The following PCDHGB5 variants were observed in gnomAD, a reference collection of about 807,000 sequenced individuals.
PCDHGB5 encodes the protein protocadherin gamma subfamily B, 5, also known as protocadherin gamma-B5.
In PCDHGB5, 48 loss-of-function variants were observed where a neutral mutation model predicts 62.9. That is an observed-to-expected ratio of 0.76 (90% CI 0.61 to 0.97). The LOEUF (loss-of-function observed/expected upper bound fraction) is 0.97. Ranked by LOEUF, PCDHGB5 falls within the 50% of genes least tolerant of loss-of-function variation. The probability of loss-of-function intolerance (pLI) is 0.00; values close to 1 mark genes in which losing one functional copy is unlikely to be tolerated. For missense variants in PCDHGB5, 1,118 were observed against 1,198.6 expected, an observed-to-expected ratio of 0.93 and a Z score of 0.99; for synonymous variants, 474 against 511.2, an observed-to-expected ratio of 0.93 and a Z score of 0.98.
rs767719494 is a variant in PCDHGB5 at position 141,491,200 on chromosome 5, C to T, written c.2398-3607C>T. On this transcript the variant is annotated intron_variant, in intron 1 of 3. Coordinates refer to ENST00000617380, the MANE Select transcript of PCDHGB5 (RefSeq NM_018925.3). This position sits in a 1 kb window ranked among gnomAD's most constrained non-coding sequence, Gnocchi z 6.9. The stretch of plus-strand genomic sequence containing the variant: ...GGTCCTGGTGAGGGACAATGGTGAC[C>T]CTTCACTCTCCTCCACAGCCACAGT... 4 of 1,614,158 alleles carry T rather than the reference C, an allele frequency of 2.5e-6. No individual in the cohort carries two copies. The highest frequency in any genetic ancestry group is 3.4e-6 in the Non-Finnish European group (4 of 1,180,000).
intron 1 of PCDHGB5, among the ~76,000 whole-genome samples, chr5:141,466,534 T>C (rs1343781541): frequency 6.6e-6 from 1 of 152,214 alleles, no homozygotes; most frequent in Non-Finnish European, 1.5e-5. Flanking sequence ...CAAATTGATG[T>C]AGATGGTCTT....
rs757691247 is a variant in PCDHGB5 at position 141,399,920 on chromosome 5, C to T, written c.1793C>T (p.Ala598Val). The change falls in exon 1 of 4, where the codon GCC (alanine) becomes GTC (valine). Residue 598 changes from alanine to valine, a missense_variant. Coordinates refer to ENST00000617380, the MANE Select transcript of PCDHGB5 (RefSeq NM_018925.3). ...GTGGACGCAGACTCAGGACACAACG[C>T]CTGGCTGTCCTACCACGTGCTGCAG... is the stretch of plus-strand genomic sequence containing the variant. ...VAVDADSGHN[A>V]WLSYHVLQAS... 1.2e-5 allele frequency: 20 copies of T among 1,612,216 alleles called. No homozygotes were observed. The South Asian group carries it at 2.1e-4, about 17-fold the overall frequency.
At position 141,431,435 on chromosome 5, in the gene PCDHGB5, G is replaced by A. The variant is rs376827063; in HGVS notation, c.2397+30911G>A. ...GGGCGACCCGGTGCGCACAGGCACC[G>A]CGCGCATCCGCGTGATGGTTCTGGA... On this transcript the variant is annotated intron_variant, in intron 1 of 3. Coordinates refer to ENST00000617380, the MANE Select transcript of PCDHGB5 (RefSeq NM_018925.3). The surrounding 1 kb of genome is among the most constrained non-coding windows in gnomAD (Gnocchi z 4.8). 2.5e-6 allele frequency: 4 copies of A among 1,613,550 alleles called. No homozygotes were observed. Among genetic ancestry groups the A allele is most frequent in the Non-Finnish European group, 3.4e-6 (4 of 1,180,034 alleles).
intron 1 of PCDHGB5, among the ~76,000 whole-genome samples, chr5:141,464,983 C>G (rs1294132264): frequency 6.6e-6 from 1 of 152,050 alleles, no homozygotes; most frequent in African/African-American, 2.4e-5. Flanking sequence ...TTCAAGTGAT[C>G]CTCCCACCTC....
intron 1 of PCDHGB5, among the ~76,000 whole-genome samples, chr5:141,439,623 C>T (rs1219064055): frequency 6.6e-6 from 1 of 152,186 alleles, no homozygotes; most frequent in East Asian, 1.9e-4. Context: ...ATGAGCCAAT[C>T]CCCAGACATT....
At chr5:141,460,666 C>G (rs1245201344) in intron 1 of PCDHGB5, among the ~76,000 whole-genome samples, 1 of 151,670 alleles carries the variant, frequency 6.6e-6, no homozygotes, top group South Asian at 2.1e-4. Context: ...ACTGTAAACA[C>G]AGTTATATAT....
At chr5:141,500,417 G>A in intron 2 of PCDHGB5, among the ~76,000 whole-genome samples, 1 of 151,736 alleles carries the variant, frequency 6.6e-6, no homozygotes, top group East Asian at 2.0e-4. Flanking sequence ...CACCGTGTTA[G>A]CCAGGATGGT....
intron 1 of PCDHGB5, chr5:141,478,942 C>G: frequency 1.7e-6 from 1 of 579,218 alleles, no homozygotes; most frequent in Non-Finnish European, 2.9e-6. Context: ...TCTAGGAATA[C>G]AAAAACTACC....
chr5:141,400,561 A>G, intron 1 of PCDHGB5, 37 bp downstream of exon 1: 1 of 1,612,992 alleles, frequency 6.2e-7, no homozygotes, highest in Non-Finnish European at 8.5e-7. Flanking sequence ...TTCATTACCC[A>G]CCCAATTTTC....
In PCDHGB5 at chr5:141,491,737, G is replaced by A; in HGVS notation, c.2398-3070G>A. The A allele has an allele frequency of 6.2e-7, 1 of 1,600,586 alleles. No homozygotes were observed. Among genetic ancestry groups the A allele is most frequent in the Non-Finnish European group, 8.5e-7 (1 of 1,174,266 alleles). On this transcript the variant is annotated intron_variant, in intron 1 of 3. Coordinates refer to ENST00000617380, the MANE Select transcript of PCDHGB5 (RefSeq NM_018925.3). This position sits in a 1 kb window ranked among gnomAD's most constrained non-coding sequence, Gnocchi z 6.9. ...GGCGCCGCCCCGGGCGACCCCTGGG[G>A]GCGGCACTGGAGAAGCCGCCCGTCC...
chr5:141,456,463 G>A (rs1195450847), intron 1 of PCDHGB5, among the ~76,000 whole-genome samples: 1 of 152,122 alleles, frequency 6.6e-6, no homozygotes, highest in Non-Finnish European at 1.5e-5. Context: ...ATCAATACAA[G>A]ACATATAAGC....
chr5:141,432,084 T>A lies in PCDHGB5; in HGVS notation c.2397+31560T>A, dbSNP rs1372151428. 1.2e-6 allele frequency: 2 copies of A among 1,614,186 alleles called. No individual in the cohort carries two copies. Among genetic ancestry groups the A allele is most frequent in the Admixed American group, 1.7e-5 (1 of 60,022 alleles). On this transcript the variant is annotated intron_variant, in intron 1 of 3. Transcript: ENST00000617380. This position sits in a 1 kb window ranked among gnomAD's most constrained non-coding sequence, Gnocchi z 6.0. Reference sequence around the variant, plus strand: ...ACGGAAACTCATATCTCGCTGAACGTGGCAGACACCAACGACAACCCGCCG... The same window carrying A: ...ACGGAAACTCATATCTCGCTGAACGAGGCAGACACCAACGACAACCCGCCG...
chr5:141,423,782 C>T (rs1458189260), intron 1 of PCDHGB5: 9 of 1,243,226 alleles, frequency 7.2e-6, no homozygotes, highest in Non-Finnish European at 9.3e-6. Flanking sequence ...ATATTTAGTT[C>T]ATATATATTT....
chr5:141,420,076 T>A, intron 1 of PCDHGB5: 2 of 1,613,956 alleles, frequency 1.2e-6, no homozygotes, highest in Non-Finnish European at 1.7e-6. Context: ...GACCTGTGGG[T>A]CCCCCCAACT....
intron 1 of PCDHGB5, among the ~76,000 whole-genome samples, chr5:141,469,808 A>C (rs1253675252): frequency 2.0e-5 from 3 of 152,174 alleles, no homozygotes; most frequent in Admixed American, 6.5e-5. Flanking sequence ...AAAACATTGT[A>C]GATAGAATGG....
intron 1 of PCDHGB5, among the ~76,000 whole-genome samples, chr5:141,480,873 C>A (rs1026513782): frequency 6.6e-6 from 1 of 152,168 alleles, no homozygotes; most frequent in East Asian, 1.9e-4. Context: ...GGTGAAACCC[C>A]GTCTCTACTA....
chr5:141,453,559 C>T (rs2098769120), intron 1 of PCDHGB5, among the ~76,000 whole-genome samples: 1 of 152,126 alleles, frequency 6.6e-6, no homozygotes, highest in Non-Finnish European at 1.5e-5. Context: ...TGTAGATAAT[C>T]GATTTCATTA....
intron 1 of PCDHGB5, chr5:141,419,864 C>A (rs1282571542): frequency 6.2e-7 from 1 of 1,613,966 alleles, no homozygotes; most frequent in Non-Finnish European, 8.5e-7. Context: ...AGATAGCTTG[C>A]AAGAGGTACT....
In PCDHGB5 at chr5:141,433,322, T is replaced by A. The variant is rs907709272; in HGVS notation, c.2397+32798T>A. On this transcript the variant is annotated intron_variant, in intron 1 of 3. Transcript: ENST00000617380. ...AATTATCCCACCTTTGCCTCCGGTGTAACAGGGACTACAGGTGCAAGCCAC... is the reference window on the plus strand; with the variant it reads ...AATTATCCCACCTTTGCCTCCGGTGAAACAGGGACTACAGGTGCAAGCCAC... The A allele has an allele frequency of 5.3e-6, 4 of 760,298 alleles. No homozygotes were observed. In the African/African-American group the frequency reaches 7.1e-5, roughly 13 times the overall value. The allele number at this position is 760,298 out of a possible 1,614,324, so 47.1% of individuals were successfully genotyped here.
Sources: allele counts gnomAD v4.1 joint callset (sites outside exome capture counted in the v4.1 genomes callset), GRCh38; gene constraint gnomAD v4.1.1; non-coding constraint Gnocchi (gnomAD v3.1); transcripts MANE v1.5; gene names NCBI Gene and HGNC (gene_info 2026-07-23, HGNC 2026-07-21).